Variants in ANO6 observed in about 807,000 individuals in gnomAD.
The protein encoded by ANO6 is anoctamin-6.
ANO6 carries 106 observed loss-of-function variants against 117.5 expected under a neutral mutation model. That is an observed-to-expected ratio of 0.90 (90% CI 0.77 to 1.06). The LOEUF is 1.06. Ranked by LOEUF, ANO6 falls within the 50% of genes least tolerant of loss-of-function variation. The pLI, the probability that ANO6 is intolerant of heterozygous loss-of-function variation, is 0.00. For missense variants in ANO6, 955 were observed against 1,121.1 expected (o/e 0.85, Z 2.12); for synonymous variants, 367 against 385.1 (o/e 0.95, Z 0.55).
At chr12:45,310,220 G>A (rs200402229) in intron 2 of ANO6, among the ~76,000 whole-genome samples, 16 of 152,094 alleles carry the variant, frequency 1.1e-4, no homozygotes, top group Non-Finnish European at 2.2e-4. Context: ...AATACAGAAT[G>A]TTATTTTCCC....
intron 7 of ANO6, among the ~76,000 whole-genome samples, chr12:45,353,505 T>C (rs1565713180): frequency 6.6e-6 from 1 of 152,180 alleles, no homozygotes; most frequent in Non-Finnish European, 1.5e-5. Flanking sequence ...TTCCCAACTA[T>C]TTTAAATATA....
At chr12:45,363,653 CT>C (rs1941613461) in intron 8 of ANO6, among the ~76,000 whole-genome samples, 1 of 152,040 alleles carries the variant, frequency 6.6e-6, no homozygotes. Context: ...CAAATCTCAT[CT>C]CAAATTGTAG....
intron 1 of ANO6, among the ~76,000 whole-genome samples, chr12:45,294,952 G>T (rs2137288113): frequency 6.6e-6 from 1 of 152,310 alleles, no homozygotes; most frequent in South Asian, 2.1e-4. Flanking sequence ...TAGTACTTAA[G>T]AGTCTTCACG....
intron 10 of ANO6, chr12:45,383,161 T>C: frequency 4.6e-6 from 1 of 218,198 alleles, no homozygotes; most frequent in Non-Finnish European, 9.1e-6. Context: ...TCACCAGGAG[T>C]AGATTCCATC....
chr12:45,298,532 C>T (rs1939372577), intron 1 of ANO6, among the ~76,000 whole-genome samples: 1 of 152,120 alleles, frequency 6.6e-6, no homozygotes, highest in Non-Finnish European at 1.5e-5. Context: ...TTATATTGGC[C>T]TCATAAATCA....
At chr12:45,282,600 G>T (rs1017128510) in intron 1 of ANO6, among the ~76,000 whole-genome samples, 13 of 152,194 alleles carry the variant, frequency 8.5e-5, no homozygotes, top group Non-Finnish European at 1.8e-4. Flanking sequence ...GCCGGCTGGT[G>T]ACTGATGGGG....
In ANO6 at chr12:45,324,914, A is replaced by G. The variant is rs953598434; in HGVS notation, c.151-6381A>G. Among the ~76,000 whole-genome samples the G allele has an allele frequency of 6.6e-5, 10 of 152,182 alleles. No homozygotes were observed. The East Asian group carries it at 1.7e-3, about 26-fold the overall frequency. ...TACTAACTTGACACAGTCACATGTGACACAGGTGACTTAGAAAAGGTGGGC... is the reference window on the plus strand; with the variant it reads ...TACTAACTTGACACAGTCACATGTGGCACAGGTGACTTAGAAAAGGTGGGC... On this transcript the variant is annotated intron_variant, in intron 2 of 19. Coordinates refer to ENST00000320560, the MANE Select transcript of ANO6 (RefSeq NM_001025356.3).
At chr12:45,408,346 G>C (rs909348901) in intron 15 of ANO6, among the ~76,000 whole-genome samples, 1 of 152,158 alleles carries the variant, frequency 6.6e-6, no homozygotes. Flanking sequence ...TGCTTGAGGG[G>C]ACAACAGTTC....
intron 1 of ANO6, among the ~76,000 whole-genome samples, chr12:45,253,541 TAAG>T (rs1937701736): frequency 6.6e-6 from 1 of 152,162 alleles, no homozygotes; most frequent in South Asian, 2.1e-4. Context: ...ATGCAAACAT[TAAG>T]AACCTGGGTT....
chr12:45,218,132 A>C (rs983386022), intron 1 of ANO6, among the ~76,000 whole-genome samples: 7 of 151,796 alleles, frequency 4.6e-5, no homozygotes, highest in African/African-American at 1.5e-4. Context: ...AGAAAAAGTT[A>C]AATATCTCTA....
In ANO6 at chr12:45,352,794, A is replaced by C. The variant is rs184874923; in HGVS notation, c.863+2020A>C. On this transcript the variant is annotated intron_variant, in intron 7 of 19. Coordinates refer to ENST00000320560, the MANE Select transcript of ANO6 (RefSeq NM_001025356.3). ...GATTCAGATTTCCCTTATTGTCCCC[A>C]AAAAAACTTAATGGTTTTTTAGTTC... 6.1e-3 allele frequency among the ~76,000 whole-genome samples: 929 copies of C among 152,142 alleles called. 10 individuals carry two copies. The highest frequency in any genetic ancestry group is 0.027 in the Middle Eastern group (8 of 292).
chr12:45,422,080 A>G (rs538604875), intron 18 of ANO6, among the ~76,000 whole-genome samples: 1 of 152,322 alleles, frequency 6.6e-6, no homozygotes, highest in Non-Finnish European at 1.5e-5. Flanking sequence ...ATTCTGCATC[A>G]AATCTGCTTA....
intron 1 of ANO6, among the ~76,000 whole-genome samples, chr12:45,255,328 C>T (rs1483476066): frequency 1.3e-5 from 2 of 151,998 alleles, no homozygotes; most frequent in Non-Finnish European, 1.5e-5. Context: ...GGTGAAACCC[C>T]GTCTCTACTA....
intron 1 of ANO6, among the ~76,000 whole-genome samples, chr12:45,293,506 A>T (rs7972364): frequency 0.85 from 125,064 of 147,224 alleles, 53,133 homozygotes; most frequent in Non-Finnish European, 0.94. Flanking sequence ...ATCACTCTTT[A>T]AAAAAAAAAA....
At chr12:45,411,913 G>T (rs1165863255) in intron 16 of ANO6, among the ~76,000 whole-genome samples, 3 of 152,230 alleles carry the variant, frequency 2.0e-5, no homozygotes, top group Admixed American at 2.0e-4. Flanking sequence ...CTCTGCTAGA[G>T]CGCCAGTGCC....
intron 7 of ANO6, 88 bp from the exon 8 acceptor site, chr12:45,357,202 C>T (rs965985110): frequency 3.0e-5 from 44 of 1,474,582 alleles, no homozygotes; most frequent in Non-Finnish European, 4.0e-5. Context: ...TAAAGCCTCT[C>T]CTTTATTTAA....
chr12:45,377,400 C>T (rs1447575648), intron 9 of ANO6, among the ~76,000 whole-genome samples: 1 of 152,084 alleles, frequency 6.6e-6, no homozygotes, highest in Non-Finnish European at 1.5e-5. Context: ...CTTATTTGGC[C>T]AGATACGTTA....
At chr12:45,399,456 A>C (rs1477330523) in intron 12 of ANO6, among the ~76,000 whole-genome samples, 1 of 151,222 alleles carries the variant, frequency 6.6e-6, no homozygotes, top group Non-Finnish European at 1.5e-5. Flanking sequence ...AGCCCCTCAA[A>C]GTGCTGGGAT....
intron 1 of ANO6, among the ~76,000 whole-genome samples, chr12:45,279,987 C>G (rs1938670400): frequency 6.6e-6 from 1 of 152,120 alleles, no homozygotes; most frequent in African/African-American, 2.4e-5. Context: ...TTTTTTTCCT[C>G]TGGGCTATTT....
Sources: gnomAD v4.1 joint callset for allele counts (sites outside exome capture counted in the v4.1 genomes callset) on GRCh38, gnomAD v4.1.1 for gene constraint, MANE v1.5 for transcripts, NCBI Gene and HGNC (gene_info 2026-07-23, HGNC 2026-07-21) for gene names.